The following MAML2 variants were observed in gnomAD, a reference collection of about 807,000 sequenced individuals.
MAML2 encodes the protein mastermind-like protein 2.
In MAML2, 22 loss-of-function variants were observed where a neutral mutation model predicts 96.1. The observed-to-expected ratio is 0.23, with a 90% CI of 0.16 to 0.33. MAML2 has a LOEUF of 0.33. MAML2 is among the 10% of genes least tolerant of loss of function. MAML2 has a pLI of 1.00. For synonymous variants in MAML2, 561 were observed against 521.3 expected, an observed-to-expected ratio of 1.08 and a Z score of -1.04; for missense variants, 1,367 against 1,392.4, an observed-to-expected ratio of 0.98 and a Z score of 0.29.
intron 1 of MAML2, among the ~76,000 whole-genome samples, chr11:96,332,101 G>T (rs1245771946): frequency 6.6e-6 from 1 of 152,176 alleles, no homozygotes; most frequent in Admixed American, 6.5e-5. Flanking sequence ...AATCTTATAT[G>T]ATCTGGGTGC....
chr11:96,022,267 C>T (rs192964300), intron 2 of MAML2, among the ~76,000 whole-genome samples: 1 of 152,320 alleles, frequency 6.6e-6, no homozygotes, highest in Non-Finnish European at 1.5e-5. Flanking sequence ...CGCTAGCTCC[C>T]GTCCTGAATC....
At chr11:96,124,721 C>G (rs1387938213) in intron 1 of MAML2, among the ~76,000 whole-genome samples, 4 of 151,988 alleles carry the variant, frequency 2.6e-5, no homozygotes, top group African/African-American at 9.7e-5. Context: ...GAGAGAGAGA[C>G]TGCACATGAA....
intron 1 of MAML2, among the ~76,000 whole-genome samples, chr11:96,240,815 G>A (rs1190158140): frequency 3.3e-5 from 5 of 151,914 alleles, no homozygotes; most frequent in Admixed American, 1.3e-4. Flanking sequence ...ATTGAAGTAC[G>A]GAATAACTAT....
intron 2 of MAML2, among the ~76,000 whole-genome samples, chr11:96,021,799 C>A (rs1466343665): frequency 6.6e-6 from 1 of 152,180 alleles, no homozygotes; most frequent in Admixed American, 6.5e-5. Flanking sequence ...TACATAACTT[C>A]ACCCATCCTG....
rs531104296 is a variant in MAML2 at position 96,167,935 on chromosome 11, T to C, written c.514-74418A>G. Among the ~76,000 whole-genome samples the C allele has an allele frequency of 3.9e-5, 6 of 152,368 alleles. No homozygotes were observed. In the East Asian group the frequency reaches 1.2e-3, roughly 29 times the overall value. Reference sequence around the variant, plus strand: ...CATAGCAATTAACAAGCATATGTAATGACCTATGTATATGTCTGAAGTCTG... The same window carrying C: ...CATAGCAATTAACAAGCATATGTAACGACCTATGTATATGTCTGAAGTCTG... On this transcript the variant is annotated intron_variant, in intron 1 of 4. Transcript: ENST00000524717.
intron 1 of MAML2, among the ~76,000 whole-genome samples, chr11:96,212,135 GTGTGTGTGTGTGTGT>G (rs1861981307): frequency 6.7e-6 from 1 of 149,676 alleles, no homozygotes; most frequent in Non-Finnish European, 1.5e-5. Context: ...GTGTGTGTGT[GTGTGTGTGTGTGTGT>G]GGAAGGGGGA....
rs560468013 is a variant in MAML2 at position 96,169,762 on chromosome 11, C to G, written c.514-76245G>C. Among the ~76,000 whole-genome samples the G allele has an allele frequency of 9.9e-5, 15 of 151,248 alleles. No homozygotes were observed. The East Asian group carries it at 2.9e-3, about 29-fold the overall frequency. ...CTCTACCTCCCAGGTTCAAGCGATTCTCCTGCCTCAGCCTCCTGAGTAGCT... is the reference window on the plus strand; with the variant it reads ...CTCTACCTCCCAGGTTCAAGCGATTGTCCTGCCTCAGCCTCCTGAGTAGCT... On this transcript the variant is annotated intron_variant, in intron 1 of 4. Coordinates refer to ENST00000524717, the MANE Select transcript of MAML2 (RefSeq NM_032427.4).
chr11:96,313,185 T>C (rs1020926569), intron 1 of MAML2, among the ~76,000 whole-genome samples: 1 of 152,116 alleles, frequency 6.6e-6, no homozygotes, highest in African/African-American at 2.4e-5. Flanking sequence ...ATCCCACAAT[T>C]AGCAAGGGGT....
chr11:96,274,221 C>A (rs1467819059), intron 1 of MAML2, among the ~76,000 whole-genome samples: 1 of 151,814 alleles, frequency 6.6e-6, no homozygotes, highest in Admixed American at 6.6e-5. Flanking sequence ...TAGCTGGGAC[C>A]ACAGGAGCCC....
chr11:96,042,513 A>G (rs538570207), intron 2 of MAML2, among the ~76,000 whole-genome samples: 319 of 152,132 alleles, frequency 2.1e-3, no homozygotes, highest in Non-Finnish European at 3.5e-3. Context: ...ATACGTAACC[A>G]TGTCACACTT....
At chr11:96,237,470 A>C (rs925909805) in intron 1 of MAML2, among the ~76,000 whole-genome samples, 1 of 152,156 alleles carries the variant, frequency 6.6e-6, no homozygotes, top group Non-Finnish European at 1.5e-5. Flanking sequence ...TTTCTTCTTT[A>C]TAATTGTTTC....
intron 1 of MAML2, among the ~76,000 whole-genome samples, chr11:96,265,812 A>T (rs1409341001): frequency 6.6e-6 from 1 of 152,200 alleles, no homozygotes; most frequent in Admixed American, 6.5e-5. Flanking sequence ...GGCCCAACTT[A>T]TGGGGAAAAT....
At chr11:95,981,496 G>A (rs1857736465) in intron 4 of MAML2, among the ~76,000 whole-genome samples, 1 of 152,192 alleles carries the variant, frequency 6.6e-6, no homozygotes, top group African/African-American at 2.4e-5. Context: ...GTCTGCAATT[G>A]TAAACGTGGG....
chr11:96,187,460 T>A (rs1861591090), intron 1 of MAML2, among the ~76,000 whole-genome samples: 1 of 152,170 alleles, frequency 6.6e-6, no homozygotes, highest in Non-Finnish European at 1.5e-5. Context: ...CTATCCCAGG[T>A]TGTCTTGGAA....
At chr11:96,326,985 A>G (rs1010157718) in intron 1 of MAML2, among the ~76,000 whole-genome samples, 1 of 152,208 alleles carries the variant, frequency 6.6e-6, no homozygotes, top group Non-Finnish European at 1.5e-5. Context: ...AAATGCACAA[A>G]TAAACAAAGA....
chr11:96,222,775 C>T (rs1391449123), intron 1 of MAML2, among the ~76,000 whole-genome samples: 1 of 152,120 alleles, frequency 6.6e-6, no homozygotes, highest in Non-Finnish European at 1.5e-5. Flanking sequence ...CTAGTAGTGA[C>T]TAGTGTGCTA....
At chr11:96,196,651 G>A (rs1181086849) in intron 1 of MAML2, among the ~76,000 whole-genome samples, 1 of 152,210 alleles carries the variant, frequency 6.6e-6, no homozygotes, top group Non-Finnish European at 1.5e-5. Context: ...TCACTCCTTA[G>A]GTCTGTATTA....
chr11:96,153,759 A>C (rs1860965001), intron 1 of MAML2, among the ~76,000 whole-genome samples: 1 of 152,060 alleles, frequency 6.6e-6, no homozygotes, highest in South Asian at 2.1e-4. Flanking sequence ...AAAATACAAA[A>C]AATTTGCTGT....
rs1857688283 is a variant in MAML2, at chr11:95,978,894, G to A, written c.*54C>T. The A allele has an allele frequency of 2.0e-6, 3 of 1,481,566 alleles. No homozygotes were observed. The highest frequency in any genetic ancestry group is 1.4e-5 in the African/African-American group (1 of 71,496). 91.8% of individuals were successfully genotyped at this position (1,481,566 alleles called of 1,614,324 possible). A position where few individuals can be genotyped will look rare whatever the true frequency, so the allele number is the denominator to read the frequency against. On this transcript the variant is annotated 3_prime_UTR_variant, in exon 5 of 5. Coordinates refer to ENST00000524717, the MANE Select transcript of MAML2 (RefSeq NM_032427.4). ...ACAGTTCAGCCTCTACAGAGTTTCT[G>A]TAATATACTGCCTTTTAGTGCTTGG...
Sources: gnomAD v4.1 joint callset for allele counts (sites outside exome capture counted in the v4.1 genomes callset) on GRCh38, gnomAD v4.1.1 for gene constraint, MANE v1.5 for transcripts, NCBI Gene and HGNC (gene_info 2026-07-23, HGNC 2026-07-21) for gene names.